Variants in TEX9 observed in about 807,000 individuals in gnomAD.
TEX9 encodes the protein testis-expressed protein 9.
Under a neutral mutation model 59.6 loss-of-function variants are expected in TEX9, and 74 were observed. The observed-to-expected ratio is 1.24, with a 90% confidence interval of 1.03 to 1.51. TEX9 has a LOEUF of 1.51. Among genes scored for constraint, TEX9 ranks in the 40% most tolerant of loss-of-function variants. TEX9 has a pLI of 0.00. For synonymous variants in TEX9, 186 were observed against 152.2 expected, an observed-to-expected ratio of 1.22 and a Z score of -1.64; for missense variants, 522 against 447.8, an observed-to-expected ratio of 1.17 and a Z score of -1.49.
intron 10 of TEX9, among the ~76,000 whole-genome samples, chr15:56,426,200 G>C (rs1016335623): frequency 2.0e-5 from 3 of 152,142 alleles, no homozygotes; most frequent in African/African-American, 7.2e-5. Flanking sequence ...AGGCAAGACA[G>C]ATAGCAGTCC....
At chr15:56,385,440 A>C (rs2047917134) in intron 4 of TEX9, among the ~76,000 whole-genome samples, 1 of 152,200 alleles carries the variant, frequency 6.6e-6, no homozygotes, top group South Asian at 2.1e-4. Context: ...TGCAAGGATC[A>C]GATTAAATGG....
intron 10 of TEX9, among the ~76,000 whole-genome samples, chr15:56,427,052 A>G (rs890241050): frequency 6.6e-6 from 1 of 152,058 alleles, no homozygotes; most frequent in Non-Finnish European, 1.5e-5. Context: ...CTGTTTTTCT[A>G]GAATTTTGTA....
At chr15:56,437,629 GAGAA>G (rs767517044) in intron 12 of TEX9, among the ~76,000 whole-genome samples, 11 of 152,158 alleles carry the variant, frequency 7.2e-5, no homozygotes, top group Non-Finnish European at 7.3e-5. Context: ...AGTCAGGCAG[GAGAA>G]AGAAAGAAAG....
intron 10 of TEX9, among the ~76,000 whole-genome samples, chr15:56,423,135 G>A (rs756409364): frequency 6.6e-6 from 1 of 152,112 alleles, no homozygotes. Flanking sequence ...ATGTCTCCTA[G>A]AGAAAAGTGA....
At chr15:56,331,621 A>T (rs1596095993) in intron 1 of TEX9, among the ~76,000 whole-genome samples, 1 of 152,166 alleles carries the variant, frequency 6.6e-6, no homozygotes, top group African/African-American at 2.4e-5. Flanking sequence ...ATGGAAACAC[A>T]CCATGCCAAA....
chr15:56,309,708 T>A (rs1281814050), intron 1 of TEX9, among the ~76,000 whole-genome samples: 1 of 131,950 alleles, frequency 7.6e-6, no homozygotes, highest in African/African-American at 2.6e-5. Flanking sequence ...TTTTTTTTTT[T>A]TTTTTTTTTT....
intron 1 of TEX9, among the ~76,000 whole-genome samples, chr15:56,340,822 G>A (rs565740435): frequency 6.6e-6 from 1 of 152,256 alleles, no homozygotes; most frequent in South Asian, 2.1e-4. Context: ...GACAGATCCT[G>A]AAATGGTCAA....
At chr15:56,257,737 G>T (rs573718908) in intron 1 of TEX9, among the ~76,000 whole-genome samples, 1 of 152,036 alleles carries the variant, frequency 6.6e-6, no homozygotes, top group African/African-American at 2.4e-5. Context: ...CATTCTGCCG[G>T]TTTTCTGTTT....
chr15:56,367,856 A>G (rs759414092), intron 2 of TEX9, among the ~76,000 whole-genome samples: 6 of 152,134 alleles, frequency 3.9e-5, no homozygotes, highest in Non-Finnish European at 7.4e-5. Flanking sequence ...TTAGATGTTG[A>G]TGCTACATCT....
intron 9 of TEX9, among the ~76,000 whole-genome samples, chr15:56,411,292 GTTC>G (rs2049331019): frequency 6.6e-6 from 1 of 152,118 alleles, no homozygotes; most frequent in Non-Finnish European, 1.5e-5. Context: ...AATTAAGACA[GTTC>G]TTTTCTTCAA....
At position 56,394,166 on chromosome 15, in the gene TEX9, A is replaced by AG. The variant is rs770957735; in HGVS notation, c.574dup (p.Ala192GlyfsTer19). The AG allele has an allele frequency of 3.1e-6, 5 of 1,607,132 alleles. No individual in the cohort carries two copies. In the South Asian group the frequency reaches 5.6e-5, roughly 18 times the overall value. ...AAATATAATTATTTAAATTCACAGA[A>AG]GCACAGATCAGATTTCTAAAGGCCA... On this transcript the variant is annotated frameshift_variant and splice_region_variant, in exon 8 of 13. Coordinates refer to ENST00000352903, the Ensembl canonical transcript of TEX9. LOFTEE classifies it high-confidence loss of function.
intron 10 of TEX9, 106 bp downstream of exon 10, chr15:56,412,542 A>G: frequency 8.1e-7 from 1 of 1,231,898 alleles, no homozygotes; most frequent in East Asian, 2.5e-5. Flanking sequence ...TGTCATGCTG[A>G]ACATTTCTCT....
intron 9 of TEX9, chr15:56,395,432 A>G (rs1244232761): frequency 6.6e-6 from 1 of 152,138 alleles, no homozygotes; most frequent in Non-Finnish European, 1.5e-5. Context: ...AATACTTTGA[A>G]TATTCATGTA....
chr15:56,359,197 T>C (rs1474801782), intron 1 of TEX9, among the ~76,000 whole-genome samples: 2 of 152,184 alleles, frequency 1.3e-5, no homozygotes, highest in African/African-American at 4.8e-5. Flanking sequence ...GAAATTTTTA[T>C]TGTGGTCAAA....
chr15:56,250,989 CTG>C (rs2141295081), intron 1 of TEX9, among the ~76,000 whole-genome samples: 1 of 152,322 alleles, frequency 6.6e-6, no homozygotes, highest in South Asian at 2.1e-4. Flanking sequence ...TTACCACACT[CTG>C]TAAGTCACTC....
At chr15:56,258,609 A>G (rs930181990) in intron 1 of TEX9, among the ~76,000 whole-genome samples, 14 of 151,968 alleles carry the variant, frequency 9.2e-5, no homozygotes, top group Admixed American at 2.6e-4. Flanking sequence ...GTGTTTAGGA[A>G]TGCTAGCGAT....
At chr15:56,405,442 C>G (rs1416704382) in intron 9 of TEX9, among the ~76,000 whole-genome samples, 1 of 152,094 alleles carries the variant, frequency 6.6e-6, no homozygotes, top group Non-Finnish European at 1.5e-5. Context: ...CAAATCATGT[C>G]ATTCCCGAAT....
intron 1 of TEX9, among the ~76,000 whole-genome samples, chr15:56,302,970 T>G (rs2045396583): frequency 6.6e-6 from 1 of 152,198 alleles, no homozygotes; most frequent in Non-Finnish European, 1.5e-5. Flanking sequence ...ATGAAAGTCA[T>G]TGTATAATTA....
intron 9 of TEX9, 120 bp from the exon 10 acceptor site, chr15:56,412,182 G>C: frequency 2.3e-6 from 2 of 875,654 alleles, no homozygotes; most frequent in Non-Finnish European, 3.4e-6. Context: ...GCGTGTGTGT[G>C]TGTGTGTGTG....
Sources: gnomAD v4.1 joint callset for allele counts (sites outside exome capture counted in the v4.1 genomes callset) on GRCh38, gnomAD v4.1.1 for gene constraint, MANE v1.5 for transcripts, NCBI Gene and HGNC (gene_info 2026-07-23, HGNC 2026-07-21) for gene names.